The following UNC5D variants were observed in gnomAD, a reference collection of about 807,000 sequenced individuals.
The protein encoded by UNC5D is unc-5 netrin receptor D.
A neutral mutation model predicts 105.4 loss-of-function variants in UNC5D; 39 were observed. The observed-to-expected ratio is 0.37, with a 90% CI of 0.29 to 0.48. The LOEUF (loss-of-function observed/expected upper bound fraction) is 0.48. Among genes scored for constraint, UNC5D ranks in the 20% least tolerant of loss-of-function variants. The pLI is 0.98. For synonymous variants in UNC5D, 452 were observed against 450.4 expected, an observed-to-expected ratio of 1.00 and a Z score of -0.04; for missense variants, 991 against 1,202.4, an observed-to-expected ratio of 0.82 and a Z score of 2.60.
chr8:35,726,540 AGTGT>A lies in UNC5D; in HGVS notation c.1681+16_1681+19del. ...TAATGCCAAATACAGGTGGGTGGTA[AGTGT>A]GTGTTTGTGTATTTTCCATCATTTA... On this transcript the variant is annotated intron_variant, in intron 10 of 16. Transcript: ENST00000404895. 1 of 1,607,888 alleles carries A rather than the reference AGTGT, an allele frequency of 6.2e-7. No homozygotes were observed. The highest frequency in any genetic ancestry group is 1.3e-5 in the African/African-American group (1 of 74,946).
intron 1 of UNC5D, among the ~76,000 whole-genome samples, chr8:35,259,220 G>T (rs1161351835): frequency 6.6e-6 from 1 of 152,132 alleles, no homozygotes; most frequent in South Asian, 2.1e-4. Context: ...AAAGGCTGTG[G>T]ATTTCTGAAA....
chr8:35,285,735 G>A (rs1455391045), intron 1 of UNC5D, among the ~76,000 whole-genome samples: 1 of 151,992 alleles, frequency 6.6e-6, no homozygotes, highest in Admixed American at 6.6e-5. Context: ...TGTCTCTTGG[G>A]GTAAGAAGTC....
intron 1 of UNC5D, among the ~76,000 whole-genome samples, chr8:35,515,513 C>T (rs1451723521): frequency 1.3e-5 from 2 of 152,034 alleles, no homozygotes; most frequent in African/African-American, 2.4e-5. Flanking sequence ...GGTGAAACCT[C>T]GTCTCTACTA....
intron 1 of UNC5D, among the ~76,000 whole-genome samples, chr8:35,375,460 T>C (rs1410113067): frequency 6.6e-6 from 1 of 152,178 alleles, no homozygotes; most frequent in Non-Finnish European, 1.5e-5. Context: ...GCAGTTGGGC[T>C]TTTATCTAAT....
chr8:35,509,155 T>A (rs1298999453), intron 1 of UNC5D, among the ~76,000 whole-genome samples: 1 of 152,032 alleles, frequency 6.6e-6, no homozygotes, highest in Admixed American at 6.5e-5. Flanking sequence ...TGTCATAGAA[T>A]AAAGGTCTGT....
chr8:35,617,914 CCT>C, intron 4 of UNC5D, among the ~76,000 whole-genome samples: 1 of 152,318 alleles, frequency 6.6e-6, no homozygotes, highest in South Asian at 2.1e-4. Context: ...GGCTGTCAGT[CCT>C]CTCAACAGAT....
At position 35,726,205 on chromosome 8, in the gene UNC5D, A is replaced by T. The variant is rs773716121; in HGVS notation, c.1357A>T (p.Thr453Ser). 5 of 1,614,090 alleles carry T rather than the reference A, an allele frequency of 3.1e-6. No individual in the cohort carries two copies. In the Admixed American group the frequency reaches 6.7e-5, roughly 22 times the overall value. ...AMQPDLTVSRTYSGPICLQDP... is the reference protein window; with the variant it reads ...AMQPDLTVSRSYSGPICLQDP... ...GCAGCCAGATCTGACAGTGAGCCGG[A>T]CATACAGCGGACCCATCTGTCTGCA... The change falls in exon 10 of 17, where the codon ACA becomes TCA. Residue 453 changes from threonine (T) to serine (S), a missense_variant. Physicochemically the swap from Thr to Ser is moderately conservative, Grantham distance 58. Coordinates refer to ENST00000404895, the MANE Select transcript of UNC5D (RefSeq NM_080872.4).
At chr8:35,611,010 C>CAAAAAAAAAAAAAAAA (rs11314770) in intron 4 of UNC5D, among the ~76,000 whole-genome samples, 6 of 60,036 alleles carry the variant, frequency 1.0e-4, no homozygotes, top group Non-Finnish European at 1.6e-4. Context: ...GACAAAGAAG[C>CAAAAAAAAAAAAAAAA]AAAAAAAAAA....
chr8:35,568,342 A>C, intron 3 of UNC5D, 101 bp downstream of exon 3: 2 of 1,438,000 alleles, frequency 1.4e-6, no homozygotes, highest in Non-Finnish European at 1.9e-6. Context: ...TACAGAATGT[A>C]AATGAGAGGT....
chr8:35,739,843 C>G (rs1829668068), intron 11 of UNC5D, among the ~76,000 whole-genome samples: 2 of 152,168 alleles, frequency 1.3e-5, no homozygotes, highest in Admixed American at 1.3e-4. Flanking sequence ...GACACCAGCC[C>G]ACACAGAGAC....
At chr8:35,445,955 T>A (rs1807757740) in intron 1 of UNC5D, among the ~76,000 whole-genome samples, 2 of 152,050 alleles carry the variant, frequency 1.3e-5, no homozygotes, top group African/African-American at 4.8e-5. Context: ...ATAATTTGCT[T>A]GTATTTGCTT....
intron 1 of UNC5D, among the ~76,000 whole-genome samples, chr8:35,524,955 C>T (rs1206593889): frequency 7.0e-6 from 1 of 143,360 alleles, no homozygotes; most frequent in Non-Finnish European, 1.5e-5. Context: ...CATGGTGGAC[C>T]GAAGTCTGTT....
At chr8:35,532,235 A>T (rs1814443336) in intron 1 of UNC5D, among the ~76,000 whole-genome samples, 1 of 150,840 alleles carries the variant, frequency 6.6e-6, no homozygotes, top group Non-Finnish European at 1.5e-5. Flanking sequence ...CTTTTAGGGC[A>T]GGCCTGGTGG....
At chr8:35,706,405 T>C (rs1037307019) in intron 8 of UNC5D, among the ~76,000 whole-genome samples, 1 of 152,148 alleles carries the variant, frequency 6.6e-6, no homozygotes, top group Non-Finnish European at 1.5e-5. Context: ...GGTGAAATAA[T>C]GACGAGCTGA....
chr8:35,490,298 T>C (rs960863962), intron 1 of UNC5D, among the ~76,000 whole-genome samples: 1 of 152,150 alleles, frequency 6.6e-6, no homozygotes, highest in Non-Finnish European at 1.5e-5. Flanking sequence ...AGGCCAGGAA[T>C]TCGAGACCAG....
intron 1 of UNC5D, among the ~76,000 whole-genome samples, chr8:35,410,391 C>T (rs955874858): frequency 3.9e-5 from 6 of 151,938 alleles, no homozygotes; most frequent in Non-Finnish European, 7.4e-5. Context: ...CTAGCAGTAC[C>T]ATGGAAGGGT....
intron 16 of UNC5D, among the ~76,000 whole-genome samples, chr8:35,781,672 T>G (rs1426260371): frequency 6.6e-6 from 1 of 152,232 alleles, no homozygotes; most frequent in Non-Finnish European, 1.5e-5. Flanking sequence ...GTCCTTCAAG[T>G]GATTAACTAT....
Position 35,532,804 on chromosome 8 carries a change from C to T in UNC5D, c.104-16488C>T, listed in dbSNP as rs1814492479. Among the ~76,000 whole-genome samples, 3 of 112,720 alleles carry T rather than the reference C, an allele frequency of 2.7e-5. No individual in the cohort carries two copies. The South Asian group carries it at 1.1e-3, about 40-fold the overall frequency. The allele number at this position is 112,720 out of a possible 152,430, so 73.9% of individuals were successfully genotyped here. ...CGCTTCATTTCATTCATTTCATCTT[C>T]CATTGCTGATACCCTTTCTTCCAGT... On this transcript the variant is annotated intron_variant, in intron 1 of 16. Transcript: ENST00000404895.
intron 1 of UNC5D, among the ~76,000 whole-genome samples, chr8:35,309,081 G>T (rs533006482): frequency 6.6e-6 from 1 of 152,270 alleles, no homozygotes; most frequent in South Asian, 2.1e-4. Flanking sequence ...CTGGCTGAGG[G>T]TCGATCCCTA....
Sources: gnomAD v4.1 joint callset for allele counts (sites outside exome capture counted in the v4.1 genomes callset) on GRCh38, gnomAD v4.1.1 for gene constraint, MANE v1.5 for transcripts, NCBI Gene and HGNC (gene_info 2026-07-23, HGNC 2026-07-21) for gene names.